The following CECR2 variants were observed in gnomAD, a reference collection of about 807,000 sequenced individuals.
The protein encoded by CECR2 is chromatin remodeling regulator CECR2.
In CECR2, 30 loss-of-function variants were observed where a neutral mutation model predicts 154.5. The observed-to-expected ratio is 0.19, with a 90% CI of 0.15 to 0.26. The LOEUF (loss-of-function observed/expected upper bound fraction) is 0.26, where lower values mean the gene tolerates loss of function less well. CECR2 is among the 10% of genes least tolerant of loss of function. CECR2 has a pLI of 1.00. For missense variants in CECR2, 1,743 were observed against 1,829.3 expected, an observed-to-expected ratio of 0.95 and a Z score of 0.86; for synonymous variants, 725 against 683.7, an observed-to-expected ratio of 1.06 and a Z score of -0.94.
chr22:17,537,556 C>T (rs746710310), intron 10 of CECR2, among the ~76,000 whole-genome samples: 5 of 152,150 alleles, frequency 3.3e-5, no homozygotes, highest in Non-Finnish European at 7.3e-5. Flanking sequence ...AATTACTTCC[C>T]GTGACAGTAC....
chr22:17,488,904 C>T (rs1046914434), intron 2 of CECR2, among the ~76,000 whole-genome samples: 2 of 152,128 alleles, frequency 1.3e-5, no homozygotes, highest in African/African-American at 4.8e-5. Flanking sequence ...TTTCCACCAG[C>T]AATATCTGAA....
chr22:17,548,936 C>T lies in CECR2; in HGVS notation c.3649C>T (p.His1217Tyr). 6.2e-7 allele frequency: 1 copy of T among 1,613,862 alleles called. No individual in the cohort carries two copies. Among genetic ancestry groups the T allele is most frequent in the Non-Finnish European group, 8.5e-7 (1 of 1,179,814 alleles). The change falls in exon 17 of 19, where the codon CAT (histidine) becomes TAT (tyrosine). Residue 1217 changes from histidine (H) to tyrosine (Y), a missense_variant. By Grantham distance (83) the His-to-Tyr change is moderately conservative. Around this residue, in one of 4 missense-constraint regions of CECR2, gnomAD observed 1,250 missense variants for 1,192.1 expected, o/e 1.05. Transcript: ENST00000262608. ...CTTTTCTGACTGGCAGAGACCTCTCCATCCCCAGGGAAGCCCAAGCGGACC... is the reference window on the plus strand; with the variant it reads ...CTTTTCTGACTGGCAGAGACCTCTCTATCCCCAGGGAAGCCCAAGCGGACC... Reference protein sequence around the residue: ...QSFSDWQRPLHPQGSPSGPPA... With the variant: ...QSFSDWQRPLYPQGSPSGPPA...
intron 2 of CECR2, among the ~76,000 whole-genome samples, chr22:17,492,721 T>G (rs926116303): frequency 1.3e-5 from 2 of 152,246 alleles, no homozygotes; most frequent in African/African-American, 4.8e-5. Context: ...CTTGTTGTTC[T>G]GAGAAATTCC....
At chr22:17,439,192 G>A (rs975532829) in intron 1 of CECR2, among the ~76,000 whole-genome samples, 14 of 147,292 alleles carry the variant, frequency 9.5e-5, no homozygotes, top group Admixed American at 2.0e-4. Context: ...TGGATGTTCC[G>A]TATAGCTAGT....
At chr22:17,525,714 A>G (rs969595794) in intron 9 of CECR2, among the ~76,000 whole-genome samples, 1 of 152,232 alleles carries the variant, frequency 6.6e-6, no homozygotes, top group East Asian at 1.9e-4. Flanking sequence ...GTCCAGTGCC[A>G]CATTTAAATT....
intron 1 of CECR2, among the ~76,000 whole-genome samples, chr22:17,471,837 A>G (rs2055132865): frequency 1.3e-5 from 2 of 152,112 alleles, no homozygotes; most frequent in African/African-American, 4.8e-5. Context: ...GCCTGGCCAT[A>G]TGGACATTTT....
At chr22:17,446,440 G>C (rs1418376832) in intron 1 of CECR2, among the ~76,000 whole-genome samples, 1 of 152,168 alleles carries the variant, frequency 6.6e-6, no homozygotes, top group Admixed American at 6.5e-5. Flanking sequence ...TGGACCCCCA[G>C]GGCGCGGTGG....
At chr22:17,496,081 G>A (rs2055622587) in intron 2 of CECR2, among the ~76,000 whole-genome samples, 1 of 151,750 alleles carries the variant, frequency 6.6e-6, no homozygotes, top group Non-Finnish European at 1.5e-5. Context: ...TTGCCATCTA[G>A]GTGTCTTAAA....
At position 17,506,035 on chromosome 22, in the gene CECR2, C is replaced by T. The variant is rs75128631; in HGVS notation, c.870+1019C>T. ...AATTATTTTTTATTTTTTGTAGAGA[C>T]GAGGTCTTGCTCTGCTGCCTAGGCT... On this transcript the variant is annotated intron_variant, in intron 7 of 18. Transcript: ENST00000262608. 5.4e-3 allele frequency among the ~76,000 whole-genome samples: 820 copies of T among 151,660 alleles called. 9 individuals carry two copies. Among genetic ancestry groups the T allele is most frequent in the African/African-American group, 0.019 (782 of 41,350 alleles).
At chr22:17,511,945 C>CGGAT (rs1569133062) in intron 8 of CECR2, 49 bp downstream of exon 8, 2 of 1,392,112 alleles carry the variant, frequency 1.4e-6, no homozygotes, top group Non-Finnish European at 2.0e-6. Flanking sequence ...ATGAAAGAGA[C>CGGAT]GGATCCTTTT....
chr22:17,392,752 A>G (rs934678584), intron 1 of CECR2, among the ~76,000 whole-genome samples: 2 of 152,176 alleles, frequency 1.3e-5, no homozygotes, highest in African/African-American at 4.8e-5. Context: ...TAAAGTGTTC[A>G]ACAAGTAGGC....
In CECR2 at chr22:17,549,434, C is replaced by G; in HGVS notation, c.4147C>G (p.Leu1383Val). ...CCCAGGGGCCACCCAGCCCAACGGC[C>G]TCTCTCAGGAGGGTCCCATCTATCG... ...HHPGATQPNGLSQEGPIYRCQ... is the reference protein window; with the variant it reads ...HHPGATQPNGVSQEGPIYRCQ... The change falls in exon 17 of 19, where the codon CTC becomes GTC. Residue 1383 changes from leucine to valine, a missense_variant. By Grantham distance (32) the Leu-to-Val change is conservative. Around this residue, in one of 4 missense-constraint regions of CECR2, gnomAD observed 1,250 missense variants for 1,192.1 expected, o/e 1.05. Transcript: ENST00000262608. 1 of 1,613,158 alleles carries G rather than the reference C, an allele frequency of 6.2e-7. No homozygotes were observed. The highest frequency in any genetic ancestry group is 8.5e-7 in the Non-Finnish European group (1 of 1,179,508).
chr22:17,452,908 T>A (rs1021152538), intron 1 of CECR2, among the ~76,000 whole-genome samples: 1 of 152,162 alleles, frequency 6.6e-6, no homozygotes, highest in Non-Finnish European at 1.5e-5. Flanking sequence ...CCTTGGTTTT[T>A]TAATGTCCGT....
intron 1 of CECR2, among the ~76,000 whole-genome samples, chr22:17,404,361 G>GTTTTTTTTTTTTTTTTTTTTT: frequency 1.3e-5 from 1 of 74,806 alleles, no homozygotes; most frequent in Non-Finnish European, 2.5e-5. Context: ...TCTGGACCCT[G>GTTTTTTTTTTTTTTTTTTTTT]TTCTTTCTTT....
chr22:17,555,225 G>C lies in CECR2; in HGVS notation c.*2385G>C, dbSNP rs766754539. 6.6e-6 allele frequency: 1 copy of C among 152,230 alleles called. No individual in the cohort carries two copies. The highest frequency in any genetic ancestry group is 2.4e-5 in the African/African-American group (1 of 41,450). The allele number at this position is 152,230 out of a possible 1,614,324, so 9.4% of individuals were successfully genotyped here. A position where few individuals can be genotyped will look rare whatever the true frequency, so the allele number is the denominator to read the frequency against. Reference sequence around the variant, plus strand: ...CTGTTGCTAGAGCGATGCTGTGAACGATACAGGAAAAGTCAGTAAATCCCT... The same window carrying C: ...CTGTTGCTAGAGCGATGCTGTGAACCATACAGGAAAAGTCAGTAAATCCCT... On this transcript the variant is annotated 3_prime_UTR_variant, in exon 19 of 19. Coordinates refer to ENST00000262608, the MANE Select transcript of CECR2 (RefSeq NM_001290047.2).
chr22:17,526,111 C>A (rs1384022775), intron 9 of CECR2, among the ~76,000 whole-genome samples: 1 of 152,082 alleles, frequency 6.6e-6, no homozygotes, highest in African/African-American at 2.4e-5. Context: ...AATGCAATGT[C>A]TACCAGAATA....
At chr22:17,477,716 C>T (rs572187785) in intron 2 of CECR2, 34 bp downstream of exon 2, 25 of 1,466,546 alleles carry the variant, frequency 1.7e-5, no homozygotes, top group East Asian at 6.8e-5. Context: ...GCATTTCTTG[C>T]GCCAAGAACT....
chr22:17,424,622 G>T, intron 1 of CECR2: 1 of 162,756 alleles, frequency 6.1e-6, no homozygotes. Context: ...GGCTGTTCAT[G>T]ATCACCCAAT....
At chr22:17,521,645 A>G (rs1278939865) in intron 8 of CECR2, among the ~76,000 whole-genome samples, 1 of 152,022 alleles carries the variant, frequency 6.6e-6, no homozygotes, top group Non-Finnish European at 1.5e-5. Context: ...TACATTCTGG[A>G]TATCAGCCCT....
Sources: gnomAD v4.1 joint callset for allele counts (sites outside exome capture counted in the v4.1 genomes callset) on GRCh38, gnomAD v4.1.1 for gene constraint, gnomAD v4.1.1 regional missense constraint, MANE v1.5 for transcripts, NCBI Gene and HGNC (gene_info 2026-07-23, HGNC 2026-07-21) for gene names.